Variants in SCMH1 observed in about 807,000 individuals in gnomAD.
The protein encoded by SCMH1 is polycomb protein SCMH1.
SCMH1 carries 37 observed loss-of-function variants against 70.8 expected under a neutral mutation model. That is an observed-to-expected ratio of 0.52 (90% CI 0.40 to 0.69). The LOEUF (loss-of-function observed/expected upper bound fraction) is 0.69, where lower values mean the gene tolerates loss of function less well. Among genes scored for constraint, SCMH1 ranks in the 30% least tolerant of loss-of-function variants. The pLI, the probability that SCMH1 is intolerant of heterozygous loss-of-function variation, is 0.00. For missense variants in SCMH1, 607 were observed against 827.3 expected (o/e 0.73, Z 3.27); for synonymous variants, 292 against 307.4 (o/e 0.95, Z 0.52).
At chr1:41,206,090 C>G (rs576190195) in intron 1 of SCMH1, among the ~76,000 whole-genome samples, 1 of 152,296 alleles carries the variant, frequency 6.6e-6, no homozygotes, top group African/African-American at 2.4e-5. Flanking sequence ...TGGTGAGAAA[C>G]CAGAGCAGAA....
At chr1:41,141,717 A>G (rs1298913632) in intron 6 of SCMH1, among the ~76,000 whole-genome samples, 2 of 152,220 alleles carry the variant, frequency 1.3e-5, no homozygotes, top group East Asian at 3.8e-4. Context: ...GAAAAATTAG[A>G]GCAGATAAGA....
intron 13 of SCMH1, among the ~76,000 whole-genome samples, chr1:41,029,268 A>G (rs1241185669): frequency 6.6e-6 from 1 of 152,182 alleles, no homozygotes; most frequent in Non-Finnish European, 1.5e-5. Context: ...GCTGGAGTGC[A>G]GTGGCGCCAT....
At chr1:41,028,259 G>C (rs1391472109) in exon 15 of SCMH1, 2 of 1,614,036 alleles carry the variant, frequency 1.2e-6, no homozygotes, top group African/African-American at 2.7e-5. Flanking sequence ...CCCAGCTTCA[G>C]GCCCATGTAC....
intron 10 of SCMH1, among the ~76,000 whole-genome samples, chr1:41,065,886 AGATGACC>A (rs1654427251): frequency 1.3e-5 from 2 of 152,212 alleles, no homozygotes; most frequent in Non-Finnish European, 2.9e-5. Flanking sequence ...GAGAAAATCT[AGATGACC>A]TTGGGTTTGG....
At chr1:41,028,415 G>C in intron 14 of SCMH1, 96 bp from the exon 16 acceptor site, 3 of 1,541,786 alleles carry the variant, frequency 1.9e-6, no homozygotes, top group South Asian at 2.4e-5. Context: ...GCCATCCTGG[G>C]AAGTGCCCGC....
chr1:41,233,052 T>G (rs1262979932), intron 1 of SCMH1, among the ~76,000 whole-genome samples: 1 of 152,182 alleles, frequency 6.6e-6, no homozygotes, highest in African/African-American at 2.4e-5. Context: ...CTCAGTTTCT[T>G]TACTGAATAA....
At chr1:41,102,688 A>G (rs897640210) in intron 8 of SCMH1, among the ~76,000 whole-genome samples, 1 of 152,174 alleles carries the variant, frequency 6.6e-6, no homozygotes, top group Non-Finnish European at 1.5e-5. Flanking sequence ...CTGAAACTAA[A>G]AGGTGCAACT....
chr1:41,172,419 T>C lies in SCMH1; in HGVS notation c.14-10987A>G, dbSNP rs550708397. ...TACAAGGGAAATTACAGAACATTGA[T>C]GAAAGAAATGGAAAAGGACACAAAA... is the stretch of plus-strand genomic sequence containing the variant. On this transcript the variant is annotated intron_variant, in intron 2 of 14. Transcript: ENST00000337495. Among the ~76,000 whole-genome samples the C allele has an allele frequency of 3.3e-5, 5 of 151,966 alleles. No homozygotes were observed. In the South Asian group the frequency reaches 1.0e-3, roughly 32 times the overall value.
chr1:41,038,295 C>T (rs1450801481), intron 12 of SCMH1, among the ~76,000 whole-genome samples: 2 of 152,152 alleles, frequency 1.3e-5, no homozygotes, highest in African/African-American at 2.4e-5. Context: ...CAACACCAGG[C>T]GGCAGCACCC....
intron 6 of SCMH1, among the ~76,000 whole-genome samples, chr1:41,118,704 T>C (rs759917525): frequency 5.3e-5 from 8 of 152,232 alleles, no homozygotes; most frequent in Non-Finnish European, 7.3e-5. Flanking sequence ...TATCAATGAA[T>C]TGTAAAAATA....
At chr1:41,034,554 C>T (rs1397373719) in intron 13 of SCMH1, among the ~76,000 whole-genome samples, 1 of 152,088 alleles carries the variant, frequency 6.6e-6, no homozygotes, top group Non-Finnish European at 1.5e-5. Context: ...GTCTTGATCT[C>T]TTGACCTCGT....
chr1:41,035,001 T>A (rs893382688), intron 13 of SCMH1, among the ~76,000 whole-genome samples: 6 of 152,204 alleles, frequency 3.9e-5, no homozygotes, highest in Admixed American at 3.3e-4. Flanking sequence ...TCCAAATACC[T>A]ACTGCCAACA....
At chr1:41,092,994 A>G (rs1664078287) in intron 8 of SCMH1, among the ~76,000 whole-genome samples, 1 of 152,150 alleles carries the variant, frequency 6.6e-6, no homozygotes, top group Non-Finnish European at 1.5e-5. Flanking sequence ...AACTAGAAAT[A>G]CCATTTGACC....
chr1:41,215,614 C>A (rs761700267), intron 1 of SCMH1, among the ~76,000 whole-genome samples: 6 of 152,110 alleles, frequency 3.9e-5, no homozygotes, highest in Non-Finnish European at 8.8e-5. Context: ...AACCTATAAC[C>A]CATCCTTCAA....
intron 6 of SCMH1, among the ~76,000 whole-genome samples, chr1:41,128,321 T>C (rs1409779553): frequency 2.0e-5 from 3 of 152,224 alleles, no homozygotes; most frequent in Non-Finnish European, 2.9e-5. Flanking sequence ...CTTTAAGGAC[T>C]TCACTTAACC....
At chr1:41,188,632 T>C (rs756161590) in intron 1 of SCMH1, among the ~76,000 whole-genome samples, 2 of 152,290 alleles carry the variant, frequency 1.3e-5, no homozygotes, top group Admixed American at 6.5e-5. Flanking sequence ...AGAAGTATAA[T>C]AGGTAGTAGA....
chr1:41,186,001 C>T (rs934101504), intron 2 of SCMH1, 120 bp downstream of exon 2: 4 of 1,059,124 alleles, frequency 3.8e-6, no homozygotes, highest in African/African-American at 1.6e-5. Context: ...AAAATGACAT[C>T]ATGGCTATAA....
intron 10 of SCMH1, among the ~76,000 whole-genome samples, chr1:41,058,251 G>GTCTCAA (rs1302265156): frequency 6.6e-6 from 1 of 151,900 alleles, no homozygotes; most frequent in Non-Finnish European, 1.5e-5. Context: ...TGAAGAAATG[G>GTCTCAA]TCTCAATCAA....
intron 6 of SCMH1, among the ~76,000 whole-genome samples, chr1:41,138,503 ATTTATT>A (rs1222777082): frequency 6.6e-6 from 1 of 152,008 alleles, no homozygotes; most frequent in African/African-American, 2.4e-5. Context: ...CTTTTCTAAT[ATTTATT>A]TTTATTCTCT....
Sources: allele counts gnomAD v4.1 joint callset (sites outside exome capture counted in the v4.1 genomes callset), GRCh38; gene constraint gnomAD v4.1.1; transcripts MANE v1.5; gene names NCBI Gene and HGNC (gene_info 2026-07-23, HGNC 2026-07-21).